LAX1: variants seen among roughly 807,000 people sequenced by gnomAD.
LAX1 encodes lymphocyte transmembrane adaptor 1.
In LAX1, 17 loss-of-function variants were observed where a neutral mutation model predicts 20.7. The observed-to-expected ratio is 0.82, with a 90% CI of 0.56 to 1.23. The LOEUF (loss-of-function observed/expected upper bound fraction) is 1.23, where lower values mean the gene tolerates loss of function less well. Among genes scored for constraint, LAX1 ranks in the 50% most tolerant of loss-of-function variants. LAX1 has a pLI of 0.00. For missense variants in LAX1, 470 were observed against 487.0 expected, an observed-to-expected ratio of 0.97 and a Z score of 0.33; for synonymous variants, 165 against 181.0, an observed-to-expected ratio of 0.91 and a Z score of 0.71.
chr1:203,776,014 CA>C lies in LAX1; in HGVS notation c.*1336del, dbSNP rs544216669. ...GTGGATACATGACAATATCCATTTGCAAACACAAGAACTATACACATGGCCA... is the reference window on the plus strand; with the variant it reads ...GTGGATACATGACAATATCCATTTGCAACACAAGAACTATACACATGGCCA... On this transcript the variant is annotated 3_prime_UTR_variant, in exon 5 of 5. Coordinates refer to ENST00000442561, the MANE Select transcript of LAX1 (RefSeq NM_017773.4). 5.8e-4 allele frequency: 89 copies of C among 152,200 alleles called. No individual in the cohort carries two copies. The highest frequency in any genetic ancestry group is 2.1e-3 in the African/African-American group (87 of 41,526). 9.4% of individuals were successfully genotyped at this position (152,200 alleles called of 1,614,324 possible).
chr1:203,765,455 G>C lies in LAX1; in HGVS notation c.-111G>C, dbSNP rs1471847338. The C allele has an allele frequency of 6.4e-7, 1 of 1,561,276 alleles. No individual in the cohort carries two copies. The highest frequency in any genetic ancestry group is 8.7e-7 in the Non-Finnish European group (1 of 1,151,098). The stretch of plus-strand genomic sequence containing the variant: ...ACGTTTCAGAGGTAGACACGAGATA[G>C]GGAGTTTGTTGCGGGGGTGGGGAGA... On this transcript the variant is annotated 5_prime_UTR_variant, in exon 1 of 5. Transcript: ENST00000442561.
At chr1:203,773,846 G>T in intron 4 of LAX1, 29 bp from the exon 5 acceptor site, 1 of 1,284,402 alleles carries the variant, frequency 7.8e-7, no homozygotes, top group South Asian at 1.3e-5. Flanking sequence ...GCTTGCATCT[G>T]ACCACTGGCT....
chr1:203,767,121 A>C (rs946905627), intron 1 of LAX1, among the ~76,000 whole-genome samples: 1 of 151,418 alleles, frequency 6.6e-6, no homozygotes, highest in Admixed American at 6.6e-5. Context: ...CTGTCTCCCA[A>C]AGTGCTGGGA....
intron 2 of LAX1, among the ~76,000 whole-genome samples, chr1:203,771,149 G>A (rs1202245028): frequency 6.6e-6 from 1 of 152,150 alleles, no homozygotes; most frequent in Non-Finnish European, 1.5e-5. Context: ...ACATTGCCCT[G>A]GTGCCCCTGT....
At chr1:203,771,020 G>GCCAATAGTTTATCCCT in intron 2 of LAX1, 83 bp downstream of exon 2, 1 of 1,151,346 alleles carries the variant, frequency 8.7e-7, no homozygotes, top group Non-Finnish European at 1.3e-6. Flanking sequence ...TATTTACCAG[G>GCCAATAGTTTATCCCT]GATAAACTAT....
rs763277683 is a variant in LAX1, at chr1:203,774,667, C to T, written c.1183C>T (p.Leu395Phe). 3.1e-6 allele frequency: 5 copies of T among 1,613,588 alleles called. 1 individual carries two copies. In the South Asian group the frequency reaches 5.5e-5, roughly 18 times the overall value. ...DSEQGPGTQL[L>F]PDE Reference sequence around the variant, plus strand: ...TGAGCAGGGGCCTGGCACTCAGCTCCTTCCTGATGAATGAAGACCCAGGTA... The same window carrying T: ...TGAGCAGGGGCCTGGCACTCAGCTCTTTCCTGATGAATGAAGACCCAGGTA... Residue 395 changes from leucine to phenylalanine, a missense_variant, in exon 5 of 5, where the codon CTT becomes TTT. By Grantham distance (22) the Leu-to-Phe change is conservative (BLOSUM62 0). Transcript: ENST00000442561.
At position 203,770,457 on chromosome 1, in the gene LAX1, G is replaced by GAGAGAGAGAGAGAGAGAGA. The variant is rs55910139; in HGVS notation, c.90-371_90-370insAGAGAGAGAGAGAGAGAGA. 1.1e-3 allele frequency among the ~76,000 whole-genome samples: 33 copies of GAGAGAGAGAGAGAGAGAGA among 28,950 alleles called. 2 individuals carry two copies. The highest frequency in any genetic ancestry group is 2.6e-3 in the Admixed American group (4 of 1,518). 19.0% of individuals were successfully genotyped at this position (28,950 alleles called of 152,430 possible). ...AAAGAGAGAGAGAGAGAGAGAGAAA[G>GAGAGAGAGAGAGAGAGAGA]GAAGGAAGGAAGGAAGGAAGGAAGG... is the stretch of plus-strand genomic sequence containing the variant. On this transcript the variant is annotated intron_variant, in intron 1 of 4. Coordinates refer to ENST00000442561, the MANE Select transcript of LAX1 (RefSeq NM_017773.4).
chr1:203,771,072 T>G, intron 2 of LAX1, 135 bp downstream of exon 2: 1 of 727,660 alleles, frequency 1.4e-6, no homozygotes, highest in Non-Finnish European at 2.4e-6. Flanking sequence ...ACATTGGCCA[T>G]TGCCTCACTC....
Position 203,765,285 on chromosome 1 carries a change from T to C in LAX1, c.-281T>C. 1 of 1,489,442 alleles carries C rather than the reference T, an allele frequency of 6.7e-7. No individual in the cohort carries two copies. The highest frequency in any genetic ancestry group is 9.2e-7 in the Non-Finnish European group (1 of 1,090,908). 92.3% of individuals were successfully genotyped at this position (1,489,442 alleles called of 1,614,324 possible). On this transcript the variant is annotated 5_prime_UTR_variant, in exon 1 of 5. Transcript: ENST00000442561. ...GCCCCTCACGTTTCCACCAGAAACG[T>C]GAAGGCAGAGGCCACAGATTCTCCC... is the stretch of plus-strand genomic sequence containing the variant.
chr1:203,774,072 C>T lies in LAX1; in HGVS notation c.588C>T (p.Val196=), dbSNP rs1667468539. The T allele has an allele frequency of 6.2e-7, 1 of 1,614,102 alleles. No individual in the cohort carries two copies. Among genetic ancestry groups the T allele is most frequent in the Non-Finnish European group, 8.5e-7 (1 of 1,180,008 alleles). Residue 196 remains valine (V), a synonymous_variant, in exon 5 of 5, where the codon GTC becomes GTT. Coordinates refer to ENST00000442561, the MANE Select transcript of LAX1 (RefSeq NM_017773.4). ...SSEDSHDYVN[V]PTAEEIAETL... ...AGGATTCGCATGATTATGTCAATGT[C>T]CCCACAGCAGAAGAGATTGCTGAGA...
At chr1:203,772,958 G>A (rs1667446873) in intron 4 of LAX1, among the ~76,000 whole-genome samples, 6 of 152,192 alleles carry the variant, frequency 3.9e-5, no homozygotes. Flanking sequence ...TTACAGGTGT[G>A]AGCCACCATA....
At position 203,775,082 on chromosome 1, in the gene LAX1, T is replaced by C. The variant is rs1393355109; in HGVS notation, c.*401T>C. On this transcript the variant is annotated 3_prime_UTR_variant, in exon 5 of 5. Coordinates refer to ENST00000442561, the MANE Select transcript of LAX1 (RefSeq NM_017773.4). The stretch of plus-strand genomic sequence containing the variant: ...AAGGAAGGAAGAAGTTGGAGTGGAG[T>C]GGGGTGGGCAATTTCCATTTTAAAG... 5.4e-6 allele frequency: 1 copy of C among 184,986 alleles called. No homozygotes were observed. Among genetic ancestry groups the C allele is most frequent in the Non-Finnish European group, 1.1e-5 (1 of 88,812 alleles). The allele number at this position is 184,986 out of a possible 1,614,324, so 11.5% of individuals were successfully genotyped here. A position where few individuals can be genotyped will look rare whatever the true frequency, so the allele number is the denominator to read the frequency against.
chr1:203,774,954 A>G lies in LAX1; in HGVS notation c.*273A>G. 1 of 474,290 alleles carries G rather than the reference A, an allele frequency of 2.1e-6. No homozygotes were observed. The highest frequency in any genetic ancestry group is 3.5e-5 in the East Asian group (1 of 28,774). The allele number at this position is 474,290 out of a possible 1,614,324, so 29.4% of individuals were successfully genotyped here. A position where few individuals can be genotyped will look rare whatever the true frequency, so the allele number is the denominator to read the frequency against. On this transcript the variant is annotated 3_prime_UTR_variant, in exon 5 of 5. Transcript: ENST00000442561. ...AACTGCTTCCTAGAACTGTGAAGAA[A>G]GCAGGAAAGTAGTGCACAGTAGTCT... is the stretch of plus-strand genomic sequence containing the variant.
chr1:203,771,003 C>A, intron 2 of LAX1, 66 bp downstream of exon 2: 1 of 1,300,328 alleles, frequency 7.7e-7, no homozygotes, highest in Non-Finnish European at 1.1e-6. Flanking sequence ...GAATTTAAAG[C>A]CCAGCTTATT....
intron 1 of LAX1, among the ~76,000 whole-genome samples, chr1:203,770,423 GAA>G: frequency 4.8e-5 from 1 of 20,778 alleles, no homozygotes; most frequent in Non-Finnish European, 1.4e-3. Flanking sequence ...CAAAAAGAAA[GAA>G]AGAAAGAAAG....
At chr1:203,772,201 G>A (rs1339389137) in intron 4 of LAX1, 54 bp downstream of exon 4, 2 of 1,373,432 alleles carry the variant, frequency 1.5e-6, no homozygotes, top group African/African-American at 1.4e-5. Context: ...AGAACTGCGG[G>A]GAAAGAGTTA....
intron 1 of LAX1, among the ~76,000 whole-genome samples, chr1:203,765,975 A>G (rs1415712692): frequency 6.6e-6 from 1 of 152,224 alleles, no homozygotes; most frequent in Non-Finnish European, 1.5e-5. Context: ...AGGTGTCACC[A>G]TGACAGAAAC....
chr1:203,770,494 G>GAAAGA (rs1667395075), intron 1 of LAX1, among the ~76,000 whole-genome samples: 1 of 40,526 alleles, frequency 2.5e-5, no homozygotes, highest in Non-Finnish European at 5.6e-5. Context: ...AGGAAGGAAG[G>GAAAGA]AAGGAAGGAA....
In LAX1 at chr1:203,770,513, G is replaced by GAA. The variant is rs769494834; in HGVS notation, c.90-313_90-312dup. 9.0e-3 allele frequency among the ~76,000 whole-genome samples: 901 copies of GAA among 100,584 alleles called. 203 individuals are homozygous for GAA. The East Asian group carries it at 0.22, about 24-fold the overall frequency. 66.0% of individuals were successfully genotyped at this position (100,584 alleles called of 152,430 possible). ...AGGAAGGAAGGAAGGAAGGAAGGAA[G>GAA]AAAGAAAGAAAGAAAGAAAGAAAGA... On this transcript the variant is annotated intron_variant, in intron 1 of 4. Transcript: ENST00000442561.
Sources: gnomAD v4.1 joint callset for allele counts (sites outside exome capture counted in the v4.1 genomes callset) on GRCh38, gnomAD v4.1.1 for gene constraint, MANE v1.5 for transcripts, NCBI Gene and HGNC (gene_info 2026-07-23, HGNC 2026-07-21) for gene names.